NTN1: variants seen among roughly 807,000 people sequenced by gnomAD.
NTN1 encodes netrin 1.
Under a neutral mutation model 54.2 loss-of-function variants are expected in NTN1, and 11 were observed. The ratio of observed to expected loss-of-function variants is 0.20; its 90% CI spans 0.13 to 0.34. The LOEUF (loss-of-function observed/expected upper bound fraction) is 0.34, where lower values mean the gene tolerates loss of function less well. NTN1 is among the 10% of genes least tolerant of loss of function. The pLI is 1.00. For synonymous variants in NTN1, 371 were observed against 382.0 expected (o/e 0.97, Z 0.33); for missense variants, 740 against 893.1 (o/e 0.83, Z 2.18).
intron 2 of NTN1, among the ~76,000 whole-genome samples, chr17:9,087,966 A>G (rs990019604): frequency 6.6e-6 from 1 of 152,124 alleles, no homozygotes; most frequent in African/African-American, 2.4e-5. Context: ...AGAAACCCCA[A>G]TTCGACCAGG....
intron 5 of NTN1, among the ~76,000 whole-genome samples, chr17:9,185,327 G>C (rs566509188): frequency 6.6e-6 from 1 of 152,054 alleles, no homozygotes; most frequent in African/African-American, 2.4e-5. Context: ...GGAGCTCAGC[G>C]CTCTCAAACC....
At chr17:9,111,049 T>G (rs1006901619) in intron 2 of NTN1, among the ~76,000 whole-genome samples, 2 of 151,426 alleles carry the variant, frequency 1.3e-5, no homozygotes, top group Non-Finnish European at 2.9e-5. Context: ...ATTCTCCTGC[T>G]TCAGCCTCCC....
intron 5 of NTN1, among the ~76,000 whole-genome samples, chr17:9,209,654 G>A (rs1905049684): frequency 1.3e-5 from 2 of 152,186 alleles, no homozygotes; most frequent in Non-Finnish European, 2.9e-5. Context: ...GCACTTGGTG[G>A]GGGCCAGGGC....
intron 2 of NTN1, among the ~76,000 whole-genome samples, chr17:9,129,474 A>T (rs930655091): frequency 1.3e-5 from 2 of 151,978 alleles, no homozygotes; most frequent in Non-Finnish European, 2.9e-5. Context: ...TGGGGAGGAG[A>T]TGGTCCTTTT....
At chr17:9,054,133 G>A (rs2091970119) in intron 2 of NTN1, among the ~76,000 whole-genome samples, 1 of 152,206 alleles carries the variant, frequency 6.6e-6, no homozygotes, top group South Asian at 2.1e-4. Context: ...ACGAAGGGCG[G>A]ACAGTGAACA....
chr17:9,077,714 A>G (rs548473820), intron 2 of NTN1, among the ~76,000 whole-genome samples: 1 of 152,200 alleles, frequency 6.6e-6, no homozygotes, highest in African/African-American at 2.4e-5. Flanking sequence ...GGTGATGGAG[A>G]GGTCATTGGA....
chr17:9,162,675 C>A, intron 2 of NTN1, 138 bp from the exon 3 acceptor site: 1 of 782,358 alleles, frequency 1.3e-6, no homozygotes, highest in Admixed American at 2.3e-5. Flanking sequence ...AGGAGGAGCT[C>A]CTGGAGCACA....
intron 2 of NTN1, among the ~76,000 whole-genome samples, chr17:9,127,506 G>A (rs147924990): frequency 0.033 from 5,042 of 152,226 alleles, 108 homozygotes; most frequent in Middle Eastern, 0.065. Context: ...ACTGGGGAGC[G>A]TGGTGCAGGC....
chr17:9,058,811 C>T (rs996358344), intron 2 of NTN1, among the ~76,000 whole-genome samples: 4 of 152,022 alleles, frequency 2.6e-5, no homozygotes, highest in East Asian at 1.9e-4. Context: ...AGCTTGCCCC[C>T]GCCTAGAATT....
At chr17:9,018,808 C>A (rs545981110), upstream of NTN1, among the ~76,000 whole-genome samples, 10 of 152,032 alleles carry the variant, frequency 6.6e-5, no homozygotes, top group Non-Finnish European at 1.2e-4. Flanking sequence ...GGTTTTGATG[C>A]GATGCCATCA....
At chr17:9,097,965 G>A (rs566498106) in intron 2 of NTN1, among the ~76,000 whole-genome samples, 2 of 151,972 alleles carry the variant, frequency 1.3e-5, no homozygotes, top group South Asian at 4.2e-4. Context: ...ACCTCCCCCC[G>A]AGAAAGAGAA....
upstream of NTN1, among the ~76,000 whole-genome samples, chr17:9,016,716 G>A (rs999960271): frequency 5.3e-5 from 8 of 151,694 alleles, no homozygotes; most frequent in Non-Finnish European, 1.0e-4. Context: ...TGGCATTGTC[G>A]CCCTGGCCCA....
At chr17:9,142,574 G>A (rs973189576) in intron 2 of NTN1, among the ~76,000 whole-genome samples, 3 of 152,050 alleles carry the variant, frequency 2.0e-5, no homozygotes, top group Non-Finnish European at 4.4e-5. Context: ...GGGGGGTGGA[G>A]GTTTGAAGAG....
chr17:9,013,870 C>T, the NTN1 span, among the ~76,000 whole-genome samples: 1 of 152,226 alleles, frequency 6.6e-6, no homozygotes, highest in African/African-American at 2.4e-5. Context: ...CCTCCCTACA[C>T]AGTGACCCAT....
At chr17:9,030,343 C>T (rs1490540245) in intron 2 of NTN1, among the ~76,000 whole-genome samples, 1 of 152,190 alleles carries the variant, frequency 6.6e-6, no homozygotes, top group Non-Finnish European at 1.5e-5. Flanking sequence ...CAGGACCACC[C>T]CCAGCAATCC....
rs144582769 is a variant in NTN1, at chr17:9,034,194, G to A, written c.1018+10803G>A. ...AGCTCAAGACCACCTTGATAGATTG[G>A]ATAGGGTGGGGAGTGTGAGGAGCCC... On this transcript the variant is annotated intron_variant, in intron 2 of 6. Transcript: ENST00000173229. Among the ~76,000 whole-genome samples the A allele has an allele frequency of 1.1e-4, 17 of 152,216 alleles. No individual in the cohort carries two copies. In the East Asian group the frequency reaches 3.3e-3, roughly 30 times the overall value.
At chr17:9,076,139 A>G (rs1449068381) in intron 2 of NTN1, among the ~76,000 whole-genome samples, 2 of 152,096 alleles carry the variant, frequency 1.3e-5, no homozygotes, top group Non-Finnish European at 2.9e-5. Context: ...AAGACGCACA[A>G]CCCTACTGTG....
chr17:9,124,864 G>C (rs1222272189), intron 2 of NTN1, among the ~76,000 whole-genome samples: 3 of 152,178 alleles, frequency 2.0e-5, no homozygotes, highest in African/African-American at 7.2e-5. Context: ...GCTTCTGTGT[G>C]CCTCAGTTTC....
At position 9,162,827 on chromosome 17, in the gene NTN1, C is replaced by G; in HGVS notation, c.1033C>G (p.Leu345Val). 6.2e-7 allele frequency: 1 copy of G among 1,612,754 alleles called. No individual in the cohort carries two copies. The highest frequency in any genetic ancestry group is 8.5e-7 in the Non-Finnish European group (1 of 1,178,994). Residue 345 changes from leucine to valine, a missense_variant, in exon 3 of 7, where the codon CTG (leucine) becomes GTG (valine). By Grantham distance (32) the Leu-to-Val change is conservative. Transcript: ENST00000173229. Reference sequence around the variant, plus strand: ...TCCCCCTGCAGCCTGTAACTGCAACCTGCATGCCCGGCGCTGCCGCTTCAA... The same window carrying G: ...TCCCCCTGCAGCCTGTAACTGCAACGTGCATGCCCGGCGCTGCCGCTTCAA... ...ANECVACNCN[L>V]HARRCRFNME...
Sources: gnomAD v4.1 joint callset for allele counts (sites outside exome capture counted in the v4.1 genomes callset) on GRCh38, gnomAD v4.1.1 for gene constraint, MANE v1.5 for transcripts, NCBI Gene and HGNC (gene_info 2026-07-23, HGNC 2026-07-21) for gene names.